The following DENND1B variants were observed in gnomAD, a reference collection of about 807,000 sequenced individuals.
DENND1B encodes DENN domain-containing protein 1B.
In DENND1B, 59 loss-of-function variants were observed where a neutral mutation model predicts 90.1. The observed-to-expected ratio is 0.65, with a 90% CI of 0.53 to 0.81. DENND1B has a LOEUF of 0.81. Ranked by LOEUF, DENND1B falls within the 40% of genes least tolerant of loss-of-function variation. The probability of loss-of-function intolerance (pLI) is 0.00; values close to 1 mark genes in which losing one functional copy is unlikely to be tolerated. For missense variants in DENND1B, 862 were observed against 912.6 expected (o/e 0.94, Z 0.71); for synonymous variants, 337 against 324.6 (o/e 1.04, Z -0.41).
In DENND1B at chr1:197,606,995, A is replaced by G. The variant is rs752404373; in HGVS notation, c.921+78T>C. ...CAACCCTTTTATTTCAGATATTAAA[A>G]GTGGGAAAAATAACTTAGTAATTCA... On this transcript the variant is annotated intron_variant, in intron 13 of 22. Coordinates refer to ENST00000620048, the MANE Select transcript of DENND1B (RefSeq NM_001195215.2). 23 of 1,034,286 alleles carry G rather than the reference A, an allele frequency of 2.2e-5. No individual in the cohort carries two copies. In the Middle Eastern group the frequency reaches 6.1e-4, roughly 27 times the overall value. 64.1% of individuals were successfully genotyped at this position (1,034,286 alleles called of 1,614,324 possible). A position where few individuals can be genotyped will look rare whatever the true frequency, so the allele number is the denominator to read the frequency against.
intron 3 of DENND1B, among the ~76,000 whole-genome samples, chr1:197,678,184 C>A (rs1413602260): frequency 6.6e-6 from 1 of 152,088 alleles, no homozygotes; most frequent in Non-Finnish European, 1.5e-5. Context: ...ATTCGTCTCC[C>A]GATAACCATG....
chr1:197,622,627 A>T (rs1253860294), intron 10 of DENND1B, among the ~76,000 whole-genome samples: 1 of 151,408 alleles, frequency 6.6e-6, no homozygotes, highest in Non-Finnish European at 1.5e-5. Context: ...AACTTTCCTC[A>T]GGCAACACAG....
At chr1:197,680,393 A>C (rs1210197696) in intron 3 of DENND1B, among the ~76,000 whole-genome samples, 1 of 152,208 alleles carries the variant, frequency 6.6e-6, no homozygotes, top group Non-Finnish European at 1.5e-5. Flanking sequence ...TCTAGATACT[A>C]ATGTATTTTT....
At chr1:197,616,462 C>T (rs1278482061) in intron 11 of DENND1B, among the ~76,000 whole-genome samples, 3 of 150,984 alleles carry the variant, frequency 2.0e-5, no homozygotes. Context: ...ACAGTTTCTC[C>T]TTTCTAGTTC....
chr1:197,603,530 A>T (rs1676395732), intron 13 of DENND1B, among the ~76,000 whole-genome samples: 1 of 151,186 alleles, frequency 6.6e-6, no homozygotes, highest in South Asian at 2.1e-4. Context: ...TAAGCAATAC[A>T]GGTAAAAAAA....
At chr1:197,665,424 G>T (rs909068229) in intron 5 of DENND1B, among the ~76,000 whole-genome samples, 1 of 152,118 alleles carries the variant, frequency 6.6e-6, no homozygotes. Context: ...CTAAGGACTA[G>T]AATAGTTTTT....
intron 2 of DENND1B, among the ~76,000 whole-genome samples, chr1:197,767,919 G>A (rs1655894802): frequency 6.6e-6 from 1 of 152,134 alleles, no homozygotes; most frequent in Non-Finnish European, 1.5e-5. Flanking sequence ...TGCAATGGGA[G>A]GCAACACAGC....
intron 14 of DENND1B, among the ~76,000 whole-genome samples, chr1:197,594,506 T>C (rs980285578): frequency 1.3e-5 from 2 of 152,168 alleles, no homozygotes; most frequent in African/African-American, 4.8e-5. Flanking sequence ...AATGGTTTTA[T>C]CTCTTACAAC....
intron 10 of DENND1B, among the ~76,000 whole-genome samples, chr1:197,626,994 T>C (rs1440642024): frequency 1.1e-4 from 16 of 152,120 alleles, no homozygotes; most frequent in Admixed American, 2.6e-4. Context: ...GTTGAATCTC[T>C]GAATAGACCA....
At chr1:197,606,931 G>T (rs2125836879) in intron 13 of DENND1B, 142 bp downstream of exon 13, 1 of 621,906 alleles carries the variant, frequency 1.6e-6, no homozygotes, top group South Asian at 2.0e-5. Context: ...ATTAAATATA[G>T]AATCAACATT....
At chr1:197,679,571 A>T (rs988058582) in intron 3 of DENND1B, among the ~76,000 whole-genome samples, 4 of 151,116 alleles carry the variant, frequency 2.6e-5, no homozygotes, top group African/African-American at 9.7e-5. Context: ...AACCAATAGG[A>T]TTATATATAC....
chr1:197,624,878 C>G (rs573141354), intron 10 of DENND1B, among the ~76,000 whole-genome samples: 3,224 of 151,830 alleles, frequency 0.021, 103 homozygotes, highest in African/African-American at 0.072. Context: ...ATGCAGAAGC[C>G]TCAGGAGCCG....
At position 197,524,865 on chromosome 1, in the gene DENND1B, C is replaced by T. The variant is rs990124336; in HGVS notation, c.1516-11912G>A. On this transcript the variant is annotated intron_variant, in intron 20 of 22. Coordinates refer to ENST00000620048, the MANE Select transcript of DENND1B (RefSeq NM_001195215.2). ...TCTAGAATTTGACTAAAGAAATCTG[C>T]ATATTAGATTTTAGAGAGAATATGA... 2.6e-5 allele frequency among the ~76,000 whole-genome samples: 4 copies of T among 152,246 alleles called. No individual in the cohort carries two copies. In the South Asian group the frequency reaches 8.3e-4, roughly 32 times the overall value.
rs558686931 is a variant in DENND1B at position 197,705,442 on chromosome 1, T to G, written c.126+9589A>C. On this transcript the variant is annotated intron_variant, in intron 3 of 22. Transcript: ENST00000620048. ...CACCACCATTACATGGTTAAGCGCTTCTGTATTTCACTAAGCATATGAGGG... is the reference window on the plus strand; with the variant it reads ...CACCACCATTACATGGTTAAGCGCTGCTGTATTTCACTAAGCATATGAGGG... 5.9e-5 allele frequency among the ~76,000 whole-genome samples: 9 copies of G among 152,190 alleles called. No homozygotes were observed. In the South Asian group the frequency reaches 1.9e-3, roughly 32 times the overall value.
chr1:197,565,078 C>A (rs1672512333), intron 15 of DENND1B, among the ~76,000 whole-genome samples: 1 of 151,978 alleles, frequency 6.6e-6, no homozygotes, highest in Non-Finnish European at 1.5e-5. Context: ...TCAAATCTTT[C>A]TTAACACTCC....
chr1:197,552,792 G>T, intron 16 of DENND1B: 1 of 1,294,428 alleles, frequency 7.7e-7, no homozygotes, highest in Non-Finnish European at 9.7e-7. Context: ...AGAGATTATC[G>T]AGGCCAACAG....
rs74792304 is a variant in DENND1B at position 197,738,368 on chromosome 1, G to A, written c.83-23294C>T. On this transcript the variant is annotated intron_variant, in intron 2 of 22. Coordinates refer to ENST00000620048, the MANE Select transcript of DENND1B (RefSeq NM_001195215.2). ...ACAGCCAGGTCACAACAATTCCCTCGTTTCTGGGAACTACATCTTATACCC... is the reference window on the plus strand; with the variant it reads ...ACAGCCAGGTCACAACAATTCCCTCATTTCTGGGAACTACATCTTATACCC... Among the ~76,000 whole-genome samples the A allele has an allele frequency of 5.4e-3, 816 of 152,270 alleles. 9 individuals carry two copies. The highest frequency in any genetic ancestry group is 0.018 in the African/African-American group (757 of 41,562).
chr1:197,510,328 C>A lies in DENND1B; in HGVS notation c.*132G>T. 1 of 1,005,170 alleles carries A rather than the reference C, an allele frequency of 9.9e-7. No individual in the cohort carries two copies. The highest frequency in any genetic ancestry group is 1.4e-6 in the Non-Finnish European group (1 of 710,690). 62.3% of individuals were successfully genotyped at this position (1,005,170 alleles called of 1,614,324 possible). On this transcript the variant is annotated 3_prime_UTR_variant, in exon 23 of 23. Transcript: ENST00000620048. ...GCATTTCATATATCCTCGAAATGAA[C>A]AAGTGAGAAAAATGTTGCAAATGCA...
At chr1:197,735,573 T>C (rs763249180) in intron 2 of DENND1B, 1 of 1,614,114 alleles carries the variant, frequency 6.2e-7, no homozygotes. Flanking sequence ...TTATGAATTC[T>C]AAAGGGTATT....
Sources: gnomAD v4.1 joint callset for allele counts (sites outside exome capture counted in the v4.1 genomes callset) on GRCh38, gnomAD v4.1.1 for gene constraint, MANE v1.5 for transcripts, NCBI Gene and HGNC (gene_info 2026-07-23, HGNC 2026-07-21) for gene names.